Variants in CNTN4 observed in about 807,000 individuals in gnomAD.
CNTN4 encodes the protein contactin-4.
In CNTN4, 77 loss-of-function variants were observed where a neutral mutation model predicts 122.5. The ratio of observed to expected loss-of-function variants is 0.63; its 90% CI spans 0.52 to 0.76. The LOEUF is 0.76. Ranked by LOEUF, CNTN4 falls within the 30% of genes least tolerant of loss-of-function variation. CNTN4 has a pLI of 0.00. For synonymous variants in CNTN4, 512 were observed against 447.0 expected (o/e 1.15, Z -1.83); for missense variants, 1,256 against 1,259.1 (o/e 1.00, Z 0.04).
rs927816736 is a variant in CNTN4 at position 3,006,380 on chromosome 3, C to T, written c.1486+17908C>T. On this transcript the variant is annotated intron_variant, in intron 14 of 24. Transcript: ENST00000418658. ...ATGGAAGAATGAATTAATGAAAGGA[C>T]CACATGACCAGGTCTCCTTTTGCAG... 2.6e-5 allele frequency among the ~76,000 whole-genome samples: 4 copies of T among 152,170 alleles called. No homozygotes were observed. The South Asian group carries it at 6.2e-4, about 24-fold the overall frequency.
chr3:2,231,565 T>C (rs1016307464), intron 2 of CNTN4, among the ~76,000 whole-genome samples: 4 of 152,202 alleles, frequency 2.6e-5, no homozygotes, highest in African/African-American at 9.7e-5. Context: ...ACTCCAGTGA[T>C]TGGAACAAAA....
At chr3:2,184,710 A>T (rs1414020056) in intron 2 of CNTN4, among the ~76,000 whole-genome samples, 1 of 152,158 alleles carries the variant, frequency 6.6e-6, no homozygotes, top group African/African-American at 2.4e-5. Context: ...ACACAACCTC[A>T]TCCCCTCTGG....
intron 3 of CNTN4, among the ~76,000 whole-genome samples, chr3:2,473,168 T>C (rs1325322721): frequency 6.6e-6 from 1 of 150,464 alleles, no homozygotes; most frequent in Non-Finnish European, 1.5e-5. Context: ...AAGGTGGAGG[T>C]TGCAGTGAGC....
intron 3 of CNTN4, among the ~76,000 whole-genome samples, chr3:2,425,264 G>T (rs1342534765): frequency 6.6e-6 from 1 of 152,154 alleles, no homozygotes; most frequent in Non-Finnish European, 1.5e-5. Flanking sequence ...GTAAGGAAGG[G>T]ATCCAGTTTC....
chr3:2,462,126 G>A (rs1202243681), intron 3 of CNTN4, among the ~76,000 whole-genome samples: 4 of 152,142 alleles, frequency 2.6e-5, no homozygotes, highest in Non-Finnish European at 5.9e-5. Context: ...TTGTCCTCAA[G>A]TGTCAACAGT....
intron 2 of CNTN4, among the ~76,000 whole-genome samples, chr3:2,330,302 A>G (rs1034526018): frequency 3.3e-5 from 5 of 152,200 alleles, no homozygotes; most frequent in African/African-American, 4.8e-5. Flanking sequence ...GTTGGGCAAC[A>G]TGGAAGCTCT....
chr3:2,614,945 T>A (rs2081648926), intron 4 of CNTN4, among the ~76,000 whole-genome samples: 1 of 152,130 alleles, frequency 6.6e-6, no homozygotes, highest in Non-Finnish European at 1.5e-5. Flanking sequence ...AATTGATGGG[T>A]ACTTATTTAT....
chr3:2,175,134 A>G (rs2149259514), intron 2 of CNTN4, among the ~76,000 whole-genome samples: 1 of 151,210 alleles, frequency 6.6e-6, no homozygotes, highest in East Asian at 1.9e-4. Flanking sequence ...CATTTATTTA[A>G]TCTATAAAAT....
At chr3:2,733,863 A>G (rs1359946808) in intron 4 of CNTN4, among the ~76,000 whole-genome samples, 1 of 151,740 alleles carries the variant, frequency 6.6e-6, no homozygotes, top group Non-Finnish European at 1.5e-5. Flanking sequence ...CCATGATTTT[A>G]TTTTGTGTGC....
chr3:2,164,097 A>C (rs1229159124), intron 2 of CNTN4, among the ~76,000 whole-genome samples: 1 of 152,128 alleles, frequency 6.6e-6, no homozygotes, highest in Non-Finnish European at 1.5e-5. Flanking sequence ...TGATGAGTGC[A>C]CCAAAATCCC....
At chr3:2,883,613 G>T (rs2093937460) in intron 9 of CNTN4, among the ~76,000 whole-genome samples, 1 of 152,188 alleles carries the variant, frequency 6.6e-6, no homozygotes, top group African/African-American at 2.4e-5. Context: ...GAAAAATACG[G>T]ACTTTCATTT....
intron 4 of CNTN4, among the ~76,000 whole-genome samples, chr3:2,622,492 G>C (rs887214890): frequency 1.3e-5 from 2 of 151,984 alleles, no homozygotes; most frequent in Admixed American, 1.3e-4. Flanking sequence ...GGGTTGGACA[G>C]GCTGGTCTCG....
chr3:2,490,995 T>C (rs2076299840), intron 3 of CNTN4, among the ~76,000 whole-genome samples: 1 of 152,110 alleles, frequency 6.6e-6, no homozygotes, highest in Non-Finnish European at 1.5e-5. Flanking sequence ...TATACAAATT[T>C]CCAAATAAAG....
chr3:2,714,198 T>TA (rs2087336655), intron 4 of CNTN4, among the ~76,000 whole-genome samples: 5 of 152,112 alleles, frequency 3.3e-5, no homozygotes, highest in African/African-American at 1.2e-4. Flanking sequence ...AACAATTTTT[T>TA]TAAAAAAATC....
chr3:2,361,175 C>G (rs1166471080), intron 3 of CNTN4, among the ~76,000 whole-genome samples: 1 of 152,116 alleles, frequency 6.6e-6, no homozygotes, highest in Non-Finnish European at 1.5e-5. Flanking sequence ...ATAGCATTTT[C>G]TCTGTATCTC....
intron 4 of CNTN4, among the ~76,000 whole-genome samples, chr3:2,686,901 C>T (rs1366327294): frequency 2.0e-5 from 3 of 152,114 alleles, no homozygotes; most frequent in Non-Finnish European, 4.4e-5. Context: ...AAATCATTGC[C>T]ACCAAAAAGT....
intron 2 of CNTN4, among the ~76,000 whole-genome samples, chr3:2,200,459 T>C (rs2038044579): frequency 6.6e-6 from 1 of 152,110 alleles, no homozygotes; most frequent in Admixed American, 6.6e-5. Flanking sequence ...TTTAGTTGTT[T>C]ATGTGTGTTG....
intron 6 of CNTN4, among the ~76,000 whole-genome samples, chr3:2,747,203 A>T (rs1195803947): frequency 2.6e-5 from 4 of 151,964 alleles, no homozygotes; most frequent in Non-Finnish European, 5.9e-5. Flanking sequence ...AGGTCAGGAG[A>T]TCGAGACCAT....
At chr3:2,555,833 A>T (rs1222496617) in intron 3 of CNTN4, among the ~76,000 whole-genome samples, 5 of 152,138 alleles carry the variant, frequency 3.3e-5, no homozygotes, top group African/African-American at 1.2e-4. Flanking sequence ...GTACTATGGT[A>T]ATATAGCTGT....
Sources: allele counts gnomAD v4.1 joint callset (sites outside exome capture counted in the v4.1 genomes callset), GRCh38; gene constraint gnomAD v4.1.1; transcripts MANE v1.5; gene names NCBI Gene and HGNC (gene_info 2026-07-23, HGNC 2026-07-21).